Variants in TNNI3K observed in about 807,000 individuals in gnomAD.
The protein encoded by TNNI3K is serine/threonine-protein kinase TNNI3K.
Under a neutral mutation model 114.5 loss-of-function variants are expected in TNNI3K, and 140 were observed. That is an observed-to-expected ratio of 1.22 (90% CI 1.07 to 1.41). TNNI3K has a LOEUF of 1.41. Among genes scored for constraint, TNNI3K ranks in the 40% most tolerant of loss-of-function variants. The pLI, the probability that TNNI3K is intolerant of heterozygous loss-of-function variation, is 0.00. For missense variants in TNNI3K, 1,125 were observed against 1,007.6 expected (o/e 1.12, Z -1.58); for synonymous variants, 347 against 347.5 (o/e 1.00, Z 0.02).
intron 17 of TNNI3K, among the ~76,000 whole-genome samples, chr1:74,384,997 T>C (rs980121795): frequency 2.0e-5 from 3 of 152,152 alleles, no homozygotes; most frequent in Non-Finnish European, 2.9e-5. Context: ...CTTATTTTAA[T>C]TTATCTAACC....
intron 9 of TNNI3K, chr1:74,346,275 A>C (rs1660994938): frequency 1.3e-5 from 2 of 152,158 alleles, no homozygotes; most frequent in African/African-American, 4.8e-5. Context: ...TCCTCTGGTC[A>C]AGAAGTGTTT....
intron 23 of TNNI3K, among the ~76,000 whole-genome samples, chr1:74,526,483 C>T (rs1646505283): frequency 6.6e-6 from 1 of 152,140 alleles, no homozygotes; most frequent in South Asian, 2.1e-4. Context: ...TAACCTGTGA[C>T]TTTGGCCAAG....
Position 74,336,075 on chromosome 1 carries a change from C to G in TNNI3K, c.608C>G (p.Pro203Arg), listed in dbSNP as rs769024751. The G allele has an allele frequency of 2.5e-6, 4 of 1,601,072 alleles. No individual in the cohort carries two copies. Among genetic ancestry groups the G allele is most frequent in the Non-Finnish European group, 3.4e-6 (4 of 1,176,152 alleles). ...VNVSGEVGDRPLHLASAKGFL... is the reference protein window; with the variant it reads ...VNVSGEVGDRRLHLASAKGFL... ...GTAAGTGGTGAAGTTGGAGATAGAC[C>G]CCTCCACCTAGCATCTGCAAAAGGA... The change falls in exon 7 of 25, where the codon CCC (proline) becomes CGC (arginine). Residue 203 changes from proline (P) to arginine (R), a missense_variant. Transcript: ENST00000326637.
intron 19 of TNNI3K, among the ~76,000 whole-genome samples, chr1:74,437,367 T>G: frequency 6.6e-6 from 1 of 152,068 alleles, no homozygotes; most frequent in East Asian, 1.9e-4. Flanking sequence ...GGAGCTAATA[T>G]TCTACTGGAA....
At chr1:74,516,497 A>G (rs1214125012) in intron 23 of TNNI3K, among the ~76,000 whole-genome samples, 2 of 152,186 alleles carry the variant, frequency 1.3e-5, no homozygotes, top group African/African-American at 4.8e-5. Flanking sequence ...TATGTGAGAA[A>G]AACTGTGAGA....
intron 2 of TNNI3K, among the ~76,000 whole-genome samples, chr1:74,237,302 C>T (rs933662682): frequency 6.6e-6 from 1 of 151,840 alleles, no homozygotes; most frequent in Non-Finnish European, 1.5e-5. Context: ...AGATATGGAA[C>T]TACATTTGAA....
intron 14 of TNNI3K, 31 bp from the exon 15 acceptor site, chr1:74,369,176 G>A: frequency 6.2e-7 from 1 of 1,602,684 alleles, no homozygotes; most frequent in Non-Finnish European, 8.5e-7. Flanking sequence ...AAGTTAATAT[G>A]TGTTTATTTA....
chr1:74,319,790 A>G (rs1659510611), intron 5 of TNNI3K, among the ~76,000 whole-genome samples: 1 of 150,748 alleles, frequency 6.6e-6, no homozygotes, highest in Non-Finnish European at 1.5e-5. Flanking sequence ...GCCCCCTACT[A>G]TTAGGTGCCA....
intron 9 of TNNI3K, chr1:74,346,154 C>T (rs1256650580): frequency 6.6e-6 from 1 of 152,140 alleles, no homozygotes; most frequent in Non-Finnish European, 1.5e-5. Flanking sequence ...AACTAAAACT[C>T]ACAGAGGTCA....
intron 21 of TNNI3K, chr1:74,483,382 G>T (rs764271137): frequency 3.6e-5 from 26 of 716,824 alleles, no homozygotes; most frequent in Non-Finnish European, 2.6e-6. Flanking sequence ...CCACCTGAAA[G>T]GAAAGTAGAG....
At chr1:74,332,350 G>A (rs569700058) in intron 6 of TNNI3K, among the ~76,000 whole-genome samples, 245 of 151,444 alleles carry the variant, frequency 1.6e-3, no homozygotes, top group African/African-American at 5.8e-3. Flanking sequence ...GCCCAGGCTG[G>A]AGTGCAGTGG....
intron 21 of TNNI3K, among the ~76,000 whole-genome samples, chr1:74,486,257 C>T (rs1668760716): frequency 7.6e-6 from 1 of 132,066 alleles, no homozygotes; most frequent in Non-Finnish European, 1.6e-5. Context: ...TAGTTCCTTT[C>T]TTCTAAGTGA....
intron 22 of TNNI3K, among the ~76,000 whole-genome samples, chr1:74,490,591 G>T (rs946463242): frequency 6.6e-6 from 1 of 152,174 alleles, no homozygotes; most frequent in African/African-American, 2.4e-5. Flanking sequence ...GCTATATGCT[G>T]ACAGAGTTTG....
chr1:74,446,300 G>C (rs1666671979), intron 20 of TNNI3K, among the ~76,000 whole-genome samples: 1 of 148,158 alleles, frequency 6.7e-6, no homozygotes. Flanking sequence ...GTGATGATGA[G>C]CATTTTTTCA....
At chr1:74,263,760 A>G (rs1323712213) in intron 4 of TNNI3K, among the ~76,000 whole-genome samples, 1 of 151,992 alleles carries the variant, frequency 6.6e-6, no homozygotes, top group Non-Finnish European at 1.5e-5. Context: ...CTGAAACAGC[A>G]TTGTCCTATC....
At chr1:74,415,151 C>T (rs947116398) in intron 17 of TNNI3K, among the ~76,000 whole-genome samples, 2 of 152,034 alleles carry the variant, frequency 1.3e-5, no homozygotes, top group African/African-American at 2.4e-5. Context: ...TTGCACTTGC[C>T]GCTCCCTCAG....
intron 11 of TNNI3K, among the ~76,000 whole-genome samples, chr1:74,363,233 G>A (rs1044377769): frequency 3.3e-5 from 5 of 151,866 alleles, no homozygotes; most frequent in Non-Finnish European, 5.9e-5. Flanking sequence ...AGTGGGTTTT[G>A]GGTTTCTTTC....
chr1:74,270,844 A>G (rs534138650), intron 4 of TNNI3K, among the ~76,000 whole-genome samples: 1 of 151,884 alleles, frequency 6.6e-6, no homozygotes, highest in East Asian at 1.9e-4. Flanking sequence ...TACATATTGA[A>G]TTTCAAAATA....
chr1:74,333,817 G>T (rs1660336051), intron 6 of TNNI3K, among the ~76,000 whole-genome samples: 1 of 152,152 alleles, frequency 6.6e-6, no homozygotes, highest in African/African-American at 2.4e-5. Context: ...GTCCTTAATA[G>T]ACAATCGATT....
Sources: allele counts gnomAD v4.1 joint callset (sites outside exome capture counted in the v4.1 genomes callset), GRCh38; gene constraint gnomAD v4.1.1; transcripts MANE v1.5; gene names NCBI Gene and HGNC (gene_info 2026-07-23, HGNC 2026-07-21).